RIMBP2: variants seen among roughly 807,000 people sequenced by gnomAD.
The protein encoded by RIMBP2 is RIMS binding protein 2.
RIMBP2 carries 48 observed loss-of-function variants against 118.6 expected under a neutral mutation model. The ratio of observed to expected loss-of-function variants is 0.40; its 90% CI spans 0.32 to 0.51. The LOEUF is 0.51. Ranked by LOEUF, RIMBP2 falls within the 20% of genes least tolerant of loss-of-function variation. The pLI, the probability that RIMBP2 is intolerant of heterozygous loss-of-function variation, is 0.41. For missense variants in RIMBP2, 1,551 were observed against 1,768.3 expected, an observed-to-expected ratio of 0.88 and a Z score of 2.20; for synonymous variants, 762 against 742.9, an observed-to-expected ratio of 1.03 and a Z score of -0.42.
At chr12:130,449,970 G>GT (rs1227119665) in intron 9 of RIMBP2, among the ~76,000 whole-genome samples, 1 of 152,096 alleles carries the variant, frequency 6.6e-6, no homozygotes, top group Non-Finnish European at 1.5e-5. Context: ...GAAACCTGTA[G>GT]TTTCAGGCCA....
chr12:130,456,704 C>T lies in RIMBP2; in HGVS notation c.154-4G>A. 1 of 1,596,388 alleles carries T rather than the reference C, an allele frequency of 6.3e-7. No individual in the cohort carries two copies. The highest frequency in any genetic ancestry group is 1.7e-5 in the Admixed American group (1 of 59,554). Reference sequence around the variant, plus strand: ...CTTCCAGCTCTCGAACCTTGGACTGCACGGCAGAAGCAGGACAGGGGGTCA... The same window carrying T: ...CTTCCAGCTCTCGAACCTTGGACTGTACGGCAGAAGCAGGACAGGGGGTCA... On this transcript the variant is annotated splice_polypyrimidine_tract_variant and splice_region_variant and intron_variant, in intron 6 of 22. Coordinates refer to ENST00000690449, the MANE Select transcript of RIMBP2 (RefSeq NM_001393629.1).
chr12:130,439,341 G>C (rs900119084), intron 11 of RIMBP2, among the ~76,000 whole-genome samples: 12 of 151,460 alleles, frequency 7.9e-5, no homozygotes, highest in African/African-American at 2.4e-4. Flanking sequence ...GTATGTATGT[G>C]TGTAGATGTG....
Position 130,681,986 on chromosome 12 carries a change from C to T in RIMBP2, c.-352+34236G>A, listed in dbSNP as rs530408594. Among the ~76,000 whole-genome samples the T allele has an allele frequency of 5.3e-5, 8 of 152,296 alleles. No homozygotes were observed. The South Asian group carries it at 1.4e-3, about 28-fold the overall frequency. ...TGCTGGGATTACAGGAGTGAGCCAC[C>T]GTGCCCAGCCATGCAAGTATTTCTT... On this transcript the variant is annotated intron_variant, in intron 1 of 22. Transcript: ENST00000690449.
chr12:130,655,877 G>A (rs141916861), intron 1 of RIMBP2, among the ~76,000 whole-genome samples: 11 of 152,342 alleles, frequency 7.2e-5, no homozygotes, highest in South Asian at 6.2e-4. Context: ...GAATGTGGGC[G>A]GAGGCACCAC....
At chr12:130,441,806 C>G in intron 11 of RIMBP2, 42 bp downstream of exon 11, 1 of 1,549,082 alleles carries the variant, frequency 6.5e-7, no homozygotes, top group Non-Finnish European at 8.8e-7. Flanking sequence ...GACATCCTGG[C>G]GTTCTCTCCC....
intron 9 of RIMBP2, among the ~76,000 whole-genome samples, chr12:130,448,552 G>A (rs2078732679): frequency 3.3e-5 from 5 of 152,272 alleles, no homozygotes; most frequent in Admixed American, 3.3e-4. Flanking sequence ...TGAGGGTTCT[G>A]TGAATGGCTG....
At chr12:130,592,405 C>T (rs1056090355) in intron 2 of RIMBP2, among the ~76,000 whole-genome samples, 3 of 152,122 alleles carry the variant, frequency 2.0e-5, no homozygotes, top group East Asian at 1.9e-4. Flanking sequence ...AAAATGGATG[C>T]GCTGGCCAGA....
rs577177397 is a variant in RIMBP2 at position 130,436,721 on chromosome 12, G to A, written c.2106+121C>T. ...CCACCAGCAAAGCGGTGGGCTGAGC[G>A]CGGCCCCCCTCCCTGCAAGCTGGGA... On this transcript the variant is annotated intron_variant, in intron 13 of 22. Transcript: ENST00000690449. 39 of 726,466 alleles carry A rather than the reference G, an allele frequency of 5.4e-5. No individual in the cohort carries two copies. In the South Asian group the frequency reaches 6.6e-4, roughly 12 times the overall value. 45.0% of individuals were successfully genotyped at this position (726,466 alleles called of 1,614,324 possible).
rs146625626 is a variant in RIMBP2, at chr12:130,438,335, A to ACCC, written c.1656+27_1656+29dup. On this transcript the variant is annotated intron_variant, in intron 12 of 22. Coordinates refer to ENST00000690449, the MANE Select transcript of RIMBP2 (RefSeq NM_001393629.1). ...TCCCTGCTGCGTTAGGGCCTAACAA[A>ACCC]CCCTCCCCACCCACCCAACGAAAAC... The ACCC allele has an allele frequency of 6.5e-4, 561 of 865,626 alleles. 1 individual carries two copies. The highest frequency in any genetic ancestry group is 3.4e-4 in the Non-Finnish European group (180 of 523,216). The allele number at this position is 865,626 out of a possible 1,614,324, so 53.6% of individuals were successfully genotyped here.
In RIMBP2 at chr12:130,493,553, G is replaced by C. The variant is rs1345884867; in HGVS notation, c.-4+13095C>G. The stretch of plus-strand genomic sequence containing the variant: ...TGGTCTCAAACTCCTGACCTCAGGT[G>C]ATCTGCCTGCCTCAACCTCCCAAAG... On this transcript the variant is annotated intron_variant, in intron 4 of 22. Coordinates refer to ENST00000690449, the MANE Select transcript of RIMBP2 (RefSeq NM_001393629.1). Among the ~76,000 whole-genome samples the C allele has an allele frequency of 3.3e-5, 5 of 152,264 alleles. No individual in the cohort carries two copies. In the South Asian group the frequency reaches 1.0e-3, roughly 32 times the overall value.
intron 1 of RIMBP2, among the ~76,000 whole-genome samples, chr12:130,686,430 C>G (rs557322983): frequency 6.6e-6 from 1 of 152,330 alleles, no homozygotes; most frequent in South Asian, 2.1e-4. Context: ...GACAGAAACC[C>G]GGGCACCTCG....
At chr12:130,480,111 A>C (rs78622439) in intron 4 of RIMBP2, among the ~76,000 whole-genome samples, 18 of 151,950 alleles carry the variant, frequency 1.2e-4, no homozygotes, top group African/African-American at 4.4e-4. Context: ...ACAGTCACAG[A>C]AAACATTTCC....
chr12:130,634,065 G>A (rs181396256), intron 1 of RIMBP2, among the ~76,000 whole-genome samples: 142 of 152,316 alleles, frequency 9.3e-4, no homozygotes, highest in Non-Finnish European at 1.8e-3. Context: ...GAGTCACAGG[G>A]GGGACAAGCA....
At chr12:130,647,206 T>C (rs140886827) in intron 1 of RIMBP2, among the ~76,000 whole-genome samples, 1 of 152,138 alleles carries the variant, frequency 6.6e-6, no homozygotes, top group African/African-American at 2.4e-5. Flanking sequence ...CTAATAAAAA[T>C]ACAAAAATTA....
At chr12:130,680,088 A>G (rs4759753) in intron 1 of RIMBP2, among the ~76,000 whole-genome samples, 98,907 of 151,808 alleles carry the variant, frequency 0.65, 32,714 homozygotes, top group African/African-American at 0.77. Context: ...GGGAAGGACC[A>G]GCAAGTGAGA....
chr12:130,643,843 G>C (rs12371324), intron 1 of RIMBP2, among the ~76,000 whole-genome samples: 46,499 of 152,082 alleles, frequency 0.31, 7,685 homozygotes, highest in African/African-American at 0.43. Context: ...GAGAGTGAAA[G>C]AGAACAAGGA....
At chr12:130,697,141 G>C (rs567475956) in intron 1 of RIMBP2, among the ~76,000 whole-genome samples, 1 of 152,362 alleles carries the variant, frequency 6.6e-6, no homozygotes, top group South Asian at 2.1e-4. Context: ...AAGACTGCCA[G>C]ACTGGAGGTA....
At position 130,451,282 on chromosome 12, in the gene RIMBP2, C is replaced by G. The variant is rs139113247; in HGVS notation, c.417G>C (p.Pro139=). 1 of 1,614,152 alleles carries G rather than the reference C, an allele frequency of 6.2e-7. No homozygotes were observed. Among genetic ancestry groups the G allele is most frequent in the South Asian group, 1.1e-5 (1 of 91,084 alleles). ...GAGGCTCCGGCCTGTCACCAGGCTG[C>G]GGAAGGGGCCGGATATATTCACCGA... is the stretch of plus-strand genomic sequence containing the variant. ...SAIGEYIRPL[P]QPGDRPEPLS... The change falls in exon 8 of 23, where the codon CCG becomes CCC. Residue 139 remains proline, a synonymous_variant. Transcript: ENST00000690449.
intron 3 of RIMBP2, among the ~76,000 whole-genome samples, chr12:130,515,165 T>C (rs1262239943): frequency 6.6e-6 from 1 of 152,204 alleles, no homozygotes; most frequent in African/African-American, 2.4e-5. Context: ...AGAGAGTCAC[T>C]GTGCCCAGCC....
Sources: gnomAD v4.1 joint callset for allele counts (sites outside exome capture counted in the v4.1 genomes callset) on GRCh38, gnomAD v4.1.1 for gene constraint, MANE v1.5 for transcripts, NCBI Gene and HGNC (gene_info 2026-07-23, HGNC 2026-07-21) for gene names.